ZBTB14: variants seen among roughly 807,000 people sequenced by gnomAD.
ZBTB14 encodes zinc finger and BTB domain containing 14.
ZBTB14 carries 8 observed loss-of-function variants against 29.5 expected under a neutral mutation model. The ratio of observed to expected loss-of-function variants is 0.27; its 90% confidence interval spans 0.16 to 0.49. The LOEUF is 0.49. Among genes scored for constraint, ZBTB14 ranks in the 20% least tolerant of loss-of-function variants. ZBTB14 has a pLI of 0.99. For synonymous variants in ZBTB14, 226 were observed against 207.2 expected, an observed-to-expected ratio of 1.09 and a Z score of -0.78; for missense variants, 333 against 563.8, an observed-to-expected ratio of 0.59 and a Z score of 4.15.
chr18:5,289,103 A>C lies in ZBTB14; in HGVS notation c.*1755T>G, dbSNP rs1173993291. ...AAGTAGCTATTGACAAGATGTTAAAATTATTTTTCCTTTGCTTTGGTTAAA... is the reference window on the plus strand; with the variant it reads ...AAGTAGCTATTGACAAGATGTTAAACTTATTTTTCCTTTGCTTTGGTTAAA... On this transcript the variant is annotated 3_prime_UTR_variant, in exon 4 of 4. Transcript: ENST00000651870. The C allele has an allele frequency of 6.6e-6, 1 of 152,240 alleles. No homozygotes were observed. Among genetic ancestry groups the C allele is most frequent in the Non-Finnish European group, 1.5e-5 (1 of 68,042 alleles). The allele number at this position is 152,240 out of a possible 1,614,324, so 9.4% of individuals were successfully genotyped here. A position where few individuals can be genotyped will look rare whatever the true frequency, so the allele number is the denominator to read the frequency against.
intron 2 of ZBTB14, 76 bp from the exon 3 acceptor site, chr18:5,293,403 T>A (rs1398317185): frequency 3.7e-6 from 3 of 802,918 alleles, no homozygotes; most frequent in Non-Finnish European, 5.8e-6. Flanking sequence ...ATTGATTTTT[T>A]AAAAATAAAC....
chr18:5,293,237 T>C lies in ZBTB14; in HGVS notation c.3+7A>G, dbSNP rs369323827. ...CATCAAGATTTAATATCCAAAGTTA[T>C]AGTTACCATGAACAACTCAGGCTAT... On this transcript the variant is annotated splice_region_variant and intron_variant, in intron 3 of 3. Transcript: ENST00000651870. 2 of 1,613,252 alleles carry C rather than the reference T, an allele frequency of 1.2e-6. No homozygotes were observed. The highest frequency in any genetic ancestry group is 8.5e-7 in the Non-Finnish European group (1 of 1,179,682).
intron 2 of ZBTB14, 95 bp downstream of exon 2, chr18:5,293,874 GTTT>G (rs1463400789): frequency 1.3e-5 from 2 of 152,166 alleles, no homozygotes; most frequent in South Asian, 4.1e-4. Context: ...ATACACGTTT[GTTT>G]TTAAGATTGT....
chr18:5,296,488 A>T (rs531317300), upstream of ZBTB14, among the ~76,000 whole-genome samples: 2 of 150,728 alleles, frequency 1.3e-5, no homozygotes, highest in African/African-American at 4.9e-5. Flanking sequence ...GGGCGCGCGC[A>T]GGCCGGGCGC....
At position 5,291,260 on chromosome 18, in the gene ZBTB14, T is replaced by C. The variant is rs1277081341; in HGVS notation, c.948A>G (p.Thr316=). The change falls in exon 4 of 4, where the codon ACA becomes ACG. Residue 316 remains threonine (T), a synonymous_variant. Transcript: ENST00000651870. This position sits in a 1 kb window ranked among gnomAD's most constrained non-coding sequence, Gnocchi z 5.8. ...VCEMCTKGFT[T]QAHLKEHLKI... is the part of the protein sequence containing the mutation. ...TTAGGTGTTCTTTCAGGTGGGCCTGTGTGGTGAAACCTTTTGTGCACATTT... is the reference window on the plus strand; with the variant it reads ...TTAGGTGTTCTTTCAGGTGGGCCTGCGTGGTGAAACCTTTTGTGCACATTT... 5 of 1,614,154 alleles carry C rather than the reference T, an allele frequency of 3.1e-6. No homozygotes were observed. Among genetic ancestry groups the C allele is most frequent in the Admixed American group, 1.7e-5 (1 of 60,012 alleles).
upstream of ZBTB14, chr18:5,295,929 G>T (rs1176715957): frequency 6.8e-6 from 1 of 146,764 alleles, no homozygotes; most frequent in East Asian, 2.2e-4. Context: ...GTGTGTTTTG[G>T]ATTTTTTTTT....
chr18:5,294,748 T>A (rs1022624036), intron 1 of ZBTB14: 3 of 152,250 alleles, frequency 2.0e-5, no homozygotes, highest in Admixed American at 2.0e-4. Context: ...GCGGGCGCGC[T>A]AAGCCGCGTT....
upstream of ZBTB14, chr18:5,296,258 C>A (rs1450066371): frequency 6.7e-6 from 1 of 149,818 alleles, no homozygotes; most frequent in East Asian, 2.0e-4. Flanking sequence ...TTGGGGCGCG[C>A]GGAGCCCGCG....
At position 5,292,145 on chromosome 18, in the gene ZBTB14, C is replaced by T; in HGVS notation, c.63G>A (p.Leu21=). 1.3e-6 allele frequency: 2 copies of T among 1,595,856 alleles called. No homozygotes were observed. The highest frequency in any genetic ancestry group is 1.7e-6 in the Non-Finnish European group (2 of 1,178,726). The change falls in exon 4 of 4, where the codon CTG becomes CTA. Residue 21 remains leucine, a synonymous_variant. Transcript: ENST00000651870. ...IKYNDDDHKT[L]FLKTLNEQRL... is the part of the protein sequence containing the mutation. Reference sequence around the variant, plus strand: ...GTTGTTCATTTAGTGTTTTCAGAAACAGAGTTTTATGATCATCGTCATTAT... The same window carrying T: ...GTTGTTCATTTAGTGTTTTCAGAAATAGAGTTTTATGATCATCGTCATTAT...
chr18:5,291,083 G>A lies in ZBTB14; in HGVS notation c.1125C>T (p.His375=). Residue 375 remains histidine, a synonymous_variant, in exon 4 of 4, where the codon CAC becomes CAT. Coordinates refer to ENST00000651870, the MANE Select transcript of ZBTB14 (RefSeq NM_001243702.2). The surrounding 1 kb of genome is among the most constrained non-coding windows in gnomAD (Gnocchi z 5.8). ...MCDKAFKHKS[H]LKDHERRHRG... is the part of the protein sequence containing the mutation. ...TGTGTCTTCTTTCATGATCCTTGAG[G>A]TGAGACTTGTGTTTGAAGGCTTTGT... is the stretch of plus-strand genomic sequence containing the variant. 6.2e-7 allele frequency: 1 copy of A among 1,614,254 alleles called. No homozygotes were observed. The highest frequency in any genetic ancestry group is 1.1e-5 in the South Asian group (1 of 91,088).
intron 3 of ZBTB14, 67 bp downstream of exon 3, chr18:5,293,177 G>T: frequency 6.5e-7 from 1 of 1,539,260 alleles, no homozygotes; most frequent in Non-Finnish European, 8.9e-7. Flanking sequence ...ATCAGAATTG[G>T]TATATATATT....
At position 5,289,318 on chromosome 18, in the gene ZBTB14, C is replaced by A. The variant is rs2071761324; in HGVS notation, c.*1540G>T. Reference sequence around the variant, plus strand: ...ATCCTAACATCTTGGGCATAACACACACCAATTAAAAAATCAAATTTCTTT... The same window carrying A: ...ATCCTAACATCTTGGGCATAACACAAACCAATTAAAAAATCAAATTTCTTT... On this transcript the variant is annotated 3_prime_UTR_variant, in exon 4 of 4. Coordinates refer to ENST00000651870, the MANE Select transcript of ZBTB14 (RefSeq NM_001243702.2). The A allele has an allele frequency of 6.6e-6, 1 of 152,122 alleles. No homozygotes were observed. Among genetic ancestry groups the A allele is most frequent in the East Asian group, 1.9e-4 (1 of 5,202 alleles). 9.4% of individuals were successfully genotyped at this position (152,122 alleles called of 1,614,324 possible).
chr18:5,290,935 T>A lies in ZBTB14; in HGVS notation c.1273A>T (p.Ser425Cys). Residue 425 changes from serine to cysteine, a missense_variant, in exon 4 of 4, where the codon AGC becomes TGC. Ser to Cys is a moderately radical substitution (Grantham distance 112, BLOSUM62 -1). Around this residue, in one of 3 missense-constraint regions of ZBTB14, gnomAD observed 140 missense variants for 274.6 expected, o/e 0.51. Transcript: ENST00000651870. ...RKQVTPSAIQ[S>C]ETEQLQAAAM... ...GCCGCCTGCAACTGTTCTGTCTCGC[T>A]CTGGATGGCACTGGGGGTAACCTGC... is the stretch of plus-strand genomic sequence containing the variant. 3.1e-6 allele frequency: 5 copies of A among 1,614,290 alleles called. No individual in the cohort carries two copies. Among genetic ancestry groups the A allele is most frequent in the Non-Finnish European group, 4.2e-6 (5 of 1,180,060 alleles).
At chr18:5,293,464 G>C (rs2071865603) in intron 2 of ZBTB14, 137 bp from the exon 3 acceptor site, 2 of 559,970 alleles carry the variant, frequency 3.6e-6, no homozygotes, top group Admixed American at 6.1e-5. Context: ...GTGGCAGGTA[G>C]GTAGCTGGTA....
chr18:5,293,534 C>T (rs1408320294), intron 2 of ZBTB14: 1 of 327,812 alleles, frequency 3.1e-6, no homozygotes, highest in East Asian at 4.6e-5. Context: ...AGCACTCGGG[C>T]ATAAAGGGGC....
Position 5,292,206 on chromosome 18 carries a change from TA to T in ZBTB14, c.4-3del. ...TTCAGACATACTGATGAAAAACTCC[TA>T]CAAAAAAAAAAAAAGTTTAGTAATT... On this transcript the variant is annotated splice_polypyrimidine_tract_variant and splice_region_variant and intron_variant, in intron 3 of 3. Coordinates refer to ENST00000651870, the MANE Select transcript of ZBTB14 (RefSeq NM_001243702.2). 1 of 1,455,928 alleles carries T rather than the reference TA, an allele frequency of 6.9e-7. No homozygotes were observed. Among genetic ancestry groups the T allele is most frequent in the African/African-American group, 1.8e-5 (1 of 57,026 alleles). 90.2% of individuals were successfully genotyped at this position (1,455,928 alleles called of 1,614,324 possible). A position where few individuals can be genotyped will look rare whatever the true frequency, so the allele number is the denominator to read the frequency against.
At position 5,290,986 on chromosome 18, in the gene ZBTB14, C is replaced by T; in HGVS notation, c.1222G>A (p.Glu408Lys). Residue 408 changes from glutamate (E) to lysine (K), a missense_variant, in exon 4 of 4, where the codon GAG becomes AAG. This residue lies in a region of ZBTB14 where 140 missense variants were observed against 274.6 expected (regional missense o/e 0.51). Transcript: ENST00000651870. ...FAKASDLKRH[E>K]NNMHSERKQV... is the part of the protein sequence containing the mutation. ...TTCCTTTCACTGTGCATATTGTTCTCGTGCCTTTTCAGATCAGATGCCTTG... is the reference window on the plus strand; with the variant it reads ...TTCCTTTCACTGTGCATATTGTTCTTGTGCCTTTTCAGATCAGATGCCTTG... 2 of 1,614,256 alleles carry T rather than the reference C, an allele frequency of 1.2e-6. No individual in the cohort carries two copies. The highest frequency in any genetic ancestry group is 1.7e-6 in the Non-Finnish European group (2 of 1,180,054).
At chr18:5,297,037 T>A (rs1359074661), upstream of ZBTB14, 1 of 151,758 alleles carries the variant, frequency 6.6e-6, no homozygotes. Flanking sequence ...CGGACAGCAA[T>A]GCCGCGCCGC....
At chr18:5,292,351 A>G in intron 3 of ZBTB14, 147 bp from the exon 4 acceptor site, 1 of 670,298 alleles carries the variant, frequency 1.5e-6, no homozygotes, top group South Asian at 2.4e-5. Flanking sequence ...TGGGTAGAAA[A>G]GACTGATCCC....
Sources: gnomAD v4.1 joint callset for allele counts (sites outside exome capture counted in the v4.1 genomes callset) on GRCh38, gnomAD v4.1.1 for gene constraint, gnomAD v4.1.1 regional missense constraint, Gnocchi (gnomAD v3.1) non-coding constraint, MANE v1.5 for transcripts, NCBI Gene and HGNC (gene_info 2026-07-23, HGNC 2026-07-21) for gene names.